The following MOCOS variants were observed in gnomAD, a reference collection of about 807,000 sequenced individuals.
MOCOS encodes the protein molybdenum cofactor sulfurase.
In MOCOS, 86 loss-of-function variants were observed where a neutral mutation model predicts 83.6. The observed-to-expected ratio is 1.03, with a 90% CI of 0.86 to 1.23. The LOEUF (loss-of-function observed/expected upper bound fraction) is 1.23, where lower values mean the gene tolerates loss of function less well. Among genes scored for constraint, MOCOS ranks in the 50% most tolerant of loss-of-function variants. MOCOS has a pLI of 0.00. For missense variants in MOCOS, 1,120 were observed against 1,126.9 expected (o/e 0.99, Z 0.09); for synonymous variants, 445 against 434.7 (o/e 1.02, Z -0.29).
chr18:36,227,470 A>G lies in MOCOS; in HGVS notation c.1960+7253A>G, dbSNP rs536862859. 1.6e-3 allele frequency among the ~76,000 whole-genome samples: 241 copies of G among 151,662 alleles called. 1 individual carries two copies. Among genetic ancestry groups the G allele is most frequent in the African/African-American group, 5.4e-3 (222 of 41,298 alleles). On this transcript the variant is annotated intron_variant, in intron 9 of 14. Transcript: ENST00000261326. The stretch of plus-strand genomic sequence containing the variant: ...GAGTGCAGTGGCATGATCCCAGCTC[A>G]CTGCAACCTCTGCCTCCTGGGTTCA...
chr18:36,236,085 T>C (rs1406540249), intron 9 of MOCOS, among the ~76,000 whole-genome samples: 3 of 127,404 alleles, frequency 2.4e-5, no homozygotes, highest in African/African-American at 5.8e-5. Context: ...GTAGGTTGCC[T>C]GTTCACTCTG....
chr18:36,207,788 ATTAGT>A lies in MOCOS; in HGVS notation c.1218+2519_1218+2523del, dbSNP rs554061349. On this transcript the variant is annotated intron_variant, in intron 6 of 14. Transcript: ENST00000261326. ...AGTTTCTTTTGCTGTGCCAATGTTC[ATTAGT>A]TTAGTTAGGCTTCATTTGTCAATTT... Among the ~76,000 whole-genome samples the A allele has an allele frequency of 4.3e-4, 66 of 152,108 alleles. No individual in the cohort carries two copies. The South Asian group carries it at 0.013, about 31-fold the overall frequency.
rs1329416482 is a variant in MOCOS at position 36,257,060 on chromosome 18, C to T, written c.2257C>T (p.Gln753Ter). ...ATCCAGTATTTTGGAACTTCACCGG[C>T]AACTAAACACCAGGTAAGACCTCAT... The part of the protein sequence containing the change: ...NTSSILELHR[Q>*]LNTSDENGKE... The change falls in exon 12 of 15, where the codon CAA (glutamine) becomes TAA (stop). Residue 753 changes from glutamine to a stop codon, truncating the protein, a stop_gained. Coordinates refer to ENST00000261326, the MANE Select transcript of MOCOS (RefSeq NM_017947.4). LOFTEE classifies it high-confidence loss of function. 1.2e-6 allele frequency: 2 copies of T among 1,613,556 alleles called. No homozygotes were observed. Among genetic ancestry groups the T allele is most frequent in the South Asian group, 2.2e-5 (2 of 91,074 alleles).
In MOCOS at chr18:36,200,268, C is replaced by A. The variant is rs760215506; in HGVS notation, c.885C>A (p.Ala295=). 1 of 1,614,142 alleles carries A rather than the reference C, an allele frequency of 6.2e-7. No individual in the cohort carries two copies. The highest frequency in any genetic ancestry group is 8.5e-7 in the Non-Finnish European group (1 of 1,180,024). Residue 295 remains alanine (A), a synonymous_variant, in exon 4 of 15, where the codon GCC becomes GCA. Transcript: ENST00000261326. ...LRKTYFGGGT[A]SAYLAGEDFY... ...AGACCTACTTTGGAGGAGGGACAGC[C>A]TCTGCGTACCTAGCAGGAGAAGACT...
In MOCOS at chr18:36,215,553, A is replaced by G. The variant is rs768198723; in HGVS notation, c.1373A>G (p.Asp458Gly). The G allele has an allele frequency of 5.6e-6, 9 of 1,614,122 alleles. No individual in the cohort carries two copies. Among genetic ancestry groups the G allele is most frequent in the Non-Finnish European group, 7.6e-6 (9 of 1,180,010 alleles). Residue 458 changes from aspartate (D) to glycine (G), a missense_variant, in exon 8 of 15, where the codon GAT (aspartate) becomes GGT (glycine). By Grantham distance (94) the Asp-to-Gly change is moderately conservative. Transcript: ENST00000261326. ...HVCGDNMDLI[D>G]GQPTGSVRIS... ...TGTGGGGACAATATGGACCTCATAG[A>G]TGGGCAGCCCACAGGATCTGTGAGG... is the stretch of plus-strand genomic sequence containing the variant.
chr18:36,222,948 ACTGCTGAGTTG>A (rs2091502213), intron 9 of MOCOS, among the ~76,000 whole-genome samples: 1 of 152,034 alleles, frequency 6.6e-6, no homozygotes, highest in African/African-American at 2.4e-5. Flanking sequence ...TTGTTTGTTT[ACTGCTGAGTTG>A]TAGGAGTTCC....
chr18:36,226,520 T>A (rs1384056445), intron 9 of MOCOS, among the ~76,000 whole-genome samples: 1 of 152,078 alleles, frequency 6.6e-6, no homozygotes, highest in Admixed American at 6.6e-5. Context: ...GATTGGAGAG[T>A]TTAATCAAAT....
chr18:36,260,732 G>A (rs1025988219), intron 13 of MOCOS, among the ~76,000 whole-genome samples: 1 of 152,046 alleles, frequency 6.6e-6, no homozygotes, highest in East Asian at 1.9e-4. Flanking sequence ...AGAAAGAGGC[G>A]AAAGGTCTTA....
At chr18:36,248,239 T>C (rs537715409) in intron 9 of MOCOS, among the ~76,000 whole-genome samples, 1 of 152,366 alleles carries the variant, frequency 6.6e-6, no homozygotes, top group East Asian at 1.9e-4. Flanking sequence ...GCCATTTGCA[T>C]GTCTTCTTTC....
intron 7 of MOCOS, 72 bp from the exon 8 acceptor site, chr18:36,215,444 T>C: frequency 1.4e-6 from 2 of 1,419,336 alleles, no homozygotes; most frequent in Non-Finnish European, 2.0e-6. Flanking sequence ...CAAAATTTAT[T>C]TTGCCGAACT....
chr18:36,261,415 A>T (rs1324362392), intron 13 of MOCOS, among the ~76,000 whole-genome samples: 3 of 152,166 alleles, frequency 2.0e-5, no homozygotes, highest in African/African-American at 2.4e-5. Context: ...TGTCAAGCAT[A>T]TTGGATAAGG....
At chr18:36,224,941 T>C (rs1039025175) in intron 9 of MOCOS, among the ~76,000 whole-genome samples, 8 of 152,194 alleles carry the variant, frequency 5.3e-5, no homozygotes, top group Non-Finnish European at 1.0e-4. Flanking sequence ...TTCATACTAG[T>C]TGTAGGTTTG....
At chr18:36,235,575 A>G (rs1184812173) in intron 9 of MOCOS, among the ~76,000 whole-genome samples, 2 of 131,954 alleles carry the variant, frequency 1.5e-5, no homozygotes, top group Non-Finnish European at 3.2e-5. Context: ...TATTGTGAAT[A>G]ATGCCGCAAT....
chr18:36,190,666 T>C (rs1477013318), intron 1 of MOCOS, among the ~76,000 whole-genome samples: 1 of 152,058 alleles, frequency 6.6e-6, no homozygotes, highest in Non-Finnish European at 1.5e-5. Context: ...GGAGAATTGC[T>C]TGAGCCTGGA....
intron 8 of MOCOS, 66 bp from the exon 9 acceptor site, chr18:36,219,989 T>C (rs1338462124): frequency 3.1e-6 from 5 of 1,591,444 alleles, no homozygotes; most frequent in East Asian, 2.2e-5. Context: ...GTGTAGCCAC[T>C]GTACAAATAG....
At chr18:36,208,157 T>C (rs1205517676) in intron 6 of MOCOS, among the ~76,000 whole-genome samples, 1 of 152,196 alleles carries the variant, frequency 6.6e-6, no homozygotes, top group Non-Finnish European at 1.5e-5. Context: ...AATTTATGTG[T>C]CTGTTTTTGT....
At chr18:36,199,595 G>T in intron 3 of MOCOS, 88 bp from the exon 4 acceptor site, 1 of 1,586,510 alleles carries the variant, frequency 6.3e-7, no homozygotes, top group Non-Finnish European at 8.6e-7. Flanking sequence ...AGGTAGAGAT[G>T]TCATAGTTAA....
At chr18:36,256,051 C>A (rs1207658514) in intron 11 of MOCOS, among the ~76,000 whole-genome samples, 1 of 151,946 alleles carries the variant, frequency 6.6e-6, no homozygotes, top group Non-Finnish European at 1.5e-5. Flanking sequence ...TGGCACTGCG[C>A]CCAGCTAATT....
At chr18:36,242,237 C>T (rs984852494) in intron 9 of MOCOS, among the ~76,000 whole-genome samples, 8 of 152,164 alleles carry the variant, frequency 5.3e-5, no homozygotes, top group African/African-American at 1.9e-4. Flanking sequence ...TTGAAAGTTC[C>T]ACAGATCTCT....
Sources: gnomAD v4.1 joint callset for allele counts (sites outside exome capture counted in the v4.1 genomes callset) on GRCh38, gnomAD v4.1.1 for gene constraint, MANE v1.5 for transcripts, NCBI Gene and HGNC (gene_info 2026-07-23, HGNC 2026-07-21) for gene names.